ATXN7: variants seen among roughly 807,000 people sequenced by gnomAD.
ATXN7 encodes ataxin 7, also known as ataxin-7.
In ATXN7, 12 loss-of-function variants were observed where a neutral mutation model predicts 70.5. The observed-to-expected ratio is 0.17, with a 90% confidence interval of 0.11 to 0.28. The LOEUF is 0.28. Ranked by LOEUF, ATXN7 falls within the 10% of genes least tolerant of loss-of-function variation. ATXN7 has a pLI of 1.00. For synonymous variants in ATXN7, 498 were observed against 448.7 expected, an observed-to-expected ratio of 1.11 and a Z score of -1.39; for missense variants, 1,256 against 1,131.7, an observed-to-expected ratio of 1.11 and a Z score of -1.58.
intron 12 of ATXN7, chr3:63,997,617 T>C: frequency 6.4e-7 from 1 of 1,551,028 alleles, no homozygotes; most frequent in Non-Finnish European, 8.7e-7. Context: ...ATTTTATTCA[T>C]CAGGATATCT....
At chr3:63,997,891 C>A in intron 12 of ATXN7, 1 of 985,408 alleles carries the variant, frequency 1.0e-6, no homozygotes, top group Non-Finnish European at 1.2e-6. Context: ...TAACTAGCTG[C>A]ATGCATTATG....
At chr3:63,963,783 T>C (rs573469914) in intron 5 of ATXN7, among the ~76,000 whole-genome samples, 46 of 151,554 alleles carry the variant, frequency 3.0e-4, no homozygotes, top group Non-Finnish European at 7.4e-5. Context: ...GTTTCTTGCT[T>C]TTTGTCTGTG....
chr3:63,986,349 T>C (rs184331320), intron 8 of ATXN7, among the ~76,000 whole-genome samples: 30 of 152,288 alleles, frequency 2.0e-4, no homozygotes, highest in Non-Finnish European at 1.5e-4. Context: ...GTTTGGAATG[T>C]TCTTCACAGC....
chr3:63,977,882 T>A (rs967691053), intron 5 of ATXN7, among the ~76,000 whole-genome samples: 5 of 152,208 alleles, frequency 3.3e-5, no homozygotes, highest in South Asian at 4.1e-4. Flanking sequence ...TGTTGAGTTT[T>A]AAAAAAATAG....
chr3:63,933,014 A>G (rs1479450108), intron 4 of ATXN7, among the ~76,000 whole-genome samples: 1 of 152,166 alleles, frequency 6.6e-6, no homozygotes, highest in Non-Finnish European at 1.5e-5. Context: ...CGACAGTCCT[A>G]CAGTTATTTT....
chr3:63,928,761 A>G (rs923003490), intron 4 of ATXN7, among the ~76,000 whole-genome samples: 1 of 152,214 alleles, frequency 6.6e-6, no homozygotes, highest in African/African-American at 2.4e-5. Flanking sequence ...GCAGTGGCTT[A>G]TTTCTGCATG....
chr3:63,877,354 C>A (rs979811434), intron 1 of ATXN7, among the ~76,000 whole-genome samples: 1 of 152,148 alleles, frequency 6.6e-6, no homozygotes, highest in African/African-American at 2.4e-5. Context: ...ATGTATATCC[C>A]CCCAGCTGCT....
intron 5 of ATXN7, among the ~76,000 whole-genome samples, chr3:63,966,089 C>T (rs3774720): frequency 0.4 from 61,284 of 151,948 alleles, 14,025 homozygotes; most frequent in African/African-American, 0.63. Context: ...ACTCTCATAA[C>T]GATATTTTTC....
intron 1 of ATXN7, among the ~76,000 whole-genome samples, chr3:63,868,647 A>G (rs1296015324): frequency 2.0e-5 from 3 of 152,158 alleles, no homozygotes; most frequent in African/African-American, 4.8e-5. Context: ...TATTTGGCAG[A>G]GGGGAGGACA....
chr3:63,921,434 C>G (rs1388189578), intron 4 of ATXN7, among the ~76,000 whole-genome samples: 1 of 152,144 alleles, frequency 6.6e-6, no homozygotes, highest in Non-Finnish European at 1.5e-5. Context: ...TTTATATGTA[C>G]TTCCCCTCAA....
chr3:63,891,513 G>C (rs1455394460), intron 1 of ATXN7, among the ~76,000 whole-genome samples: 1 of 151,574 alleles, frequency 6.6e-6, no homozygotes, highest in Admixed American at 6.6e-5. Flanking sequence ...CATAGAGATG[G>C]AGTCTCGCTG....
At chr3:63,893,036 A>G (rs894079567) in intron 1 of ATXN7, among the ~76,000 whole-genome samples, 4 of 152,142 alleles carry the variant, frequency 2.6e-5, no homozygotes, top group Non-Finnish European at 5.9e-5. Context: ...AACATGCACT[A>G]CCTCAGCTTT....
intron 8 of ATXN7, among the ~76,000 whole-genome samples, chr3:63,983,876 A>T (rs1282936377): frequency 6.6e-6 from 1 of 152,194 alleles, no homozygotes; most frequent in Non-Finnish European, 1.5e-5. Flanking sequence ...TTCAAGAAGC[A>T]TTCAGAGTCA....
intron 1 of ATXN7, among the ~76,000 whole-genome samples, chr3:63,880,024 T>G (rs1575840160): frequency 6.6e-6 from 1 of 151,900 alleles, no homozygotes; most frequent in East Asian, 2.0e-4. Context: ...AAGCAAAGGT[T>G]GCGGTGAGCT....
chr3:63,913,327 C>A (rs1408841150), intron 4 of ATXN7, 102 bp downstream of exon 4: 2 of 1,215,826 alleles, frequency 1.6e-6, no homozygotes, highest in Middle Eastern at 2.0e-4. Flanking sequence ...GACTCCCCGA[C>A]TCCCCGTGCC....
At chr3:63,988,794 A>G (rs1309015908) in intron 9 of ATXN7, among the ~76,000 whole-genome samples, 2 of 152,202 alleles carry the variant, frequency 1.3e-5, no homozygotes, top group Non-Finnish European at 2.9e-5. Context: ...CCAAGCATGT[A>G]TTAGCACTTT....
chr3:63,949,254 TC>T (rs2074914926), intron 4 of ATXN7, among the ~76,000 whole-genome samples: 1 of 150,636 alleles, frequency 6.6e-6, no homozygotes, highest in Non-Finnish European at 1.5e-5. Flanking sequence ...AATATAGAAT[TC>T]CTTTTTTTTT....
At chr3:63,943,555 A>G (rs892279712) in intron 4 of ATXN7, among the ~76,000 whole-genome samples, 5 of 152,168 alleles carry the variant, frequency 3.3e-5, no homozygotes, top group East Asian at 1.9e-4. Context: ...AAGCATTTAC[A>G]TATATTCGTG....
chr3:63,863,659 G>T (rs1702297804), upstream of ATXN7: 1 of 1,222,990 alleles, frequency 8.2e-7, no homozygotes, highest in Admixed American at 4.4e-5. Flanking sequence ...GCGCTCTGGC[G>T]AAGAGGCCGG....
Sources: gnomAD v4.1 joint callset for allele counts (sites outside exome capture counted in the v4.1 genomes callset) on GRCh38, gnomAD v4.1.1 for gene constraint, MANE v1.5 for transcripts, NCBI Gene and HGNC (gene_info 2026-07-23, HGNC 2026-07-21) for gene names.